Variants in SFRP1 observed in about 807,000 individuals in gnomAD.
SFRP1 encodes the protein secreted frizzled related protein 1.
SFRP1 carries 9 observed loss-of-function variants against 25.9 expected under a neutral mutation model. The ratio of observed to expected loss-of-function variants is 0.35; its 90% CI spans 0.21 to 0.61. The LOEUF is 0.61. Among genes scored for constraint, SFRP1 ranks in the 20% least tolerant of loss-of-function variants. SFRP1 has a pLI of 0.78. For synonymous variants in SFRP1, 178 were observed against 174.0 expected (o/e 1.02, Z -0.18); for missense variants, 346 against 418.2 (o/e 0.83, Z 1.51).
In SFRP1 at chr8:41,308,773, A is replaced by G. The variant is rs1226744666; in HGVS notation, c.387T>C (p.Cys129=). ...CGCGCACGGCCTCGCAGAGCCAGCGACACGGGTAGATGGGCCGGTCCAGGC... is the reference window on the plus strand; with the variant it reads ...CGCGCACGGCCTCGCAGAGCCAGCGGCACGGGTAGATGGGCCGGTCCAGGC... ...PVCLDRPIYP[C]RWLCEAVRDS... The change falls in exon 1 of 3, where the codon TGT becomes TGC. Residue 129 remains cysteine (C), a synonymous_variant. Transcript: ENST00000220772. 6.2e-7 allele frequency: 1 copy of G among 1,611,194 alleles called. No homozygotes were observed. The highest frequency in any genetic ancestry group is 8.5e-7 in the Non-Finnish European group (1 of 1,178,950).
At chr8:41,279,591 A>T (rs1480091063) in intron 2 of SFRP1, among the ~76,000 whole-genome samples, 3 of 152,056 alleles carry the variant, frequency 2.0e-5, no homozygotes, top group Admixed American at 6.6e-5. Context: ...CATAAGCAGA[A>T]CAGGAGGCCT....
chr8:41,293,757 G>A (rs1473519326), intron 2 of SFRP1, among the ~76,000 whole-genome samples: 2 of 151,866 alleles, frequency 1.3e-5, no homozygotes, highest in Admixed American at 6.6e-5. Flanking sequence ...GTTTTGTGGG[G>A]GGTTTTGTTT....
intron 2 of SFRP1, among the ~76,000 whole-genome samples, chr8:41,299,024 T>A (rs1316444527): frequency 1.3e-5 from 2 of 152,248 alleles, no homozygotes; most frequent in East Asian, 3.9e-4. Flanking sequence ...GATGAGGACA[T>A]GATGCATAAC....
chr8:41,281,528 T>G (rs1317781147), intron 2 of SFRP1, among the ~76,000 whole-genome samples: 2 of 152,240 alleles, frequency 1.3e-5, no homozygotes, highest in African/African-American at 4.8e-5. Flanking sequence ...ACATTGAGGA[T>G]GCGGAGGCAG....
At chr8:41,266,197 T>C (rs1289747006) in intron 2 of SFRP1, among the ~76,000 whole-genome samples, 1 of 151,990 alleles carries the variant, frequency 6.6e-6, no homozygotes, top group African/African-American at 2.4e-5. Context: ...CAGTTACCCA[T>C]TCTGCCACCG....
chr8:41,301,239 G>A (rs1803912297), intron 2 of SFRP1, among the ~76,000 whole-genome samples: 1 of 152,174 alleles, frequency 6.6e-6, no homozygotes, highest in Admixed American at 6.5e-5. Flanking sequence ...TTTGATCCCT[G>A]GAGGAGGGAG....
intron 2 of SFRP1, among the ~76,000 whole-genome samples, chr8:41,292,891 G>C (rs1227310676): frequency 1.3e-5 from 2 of 152,222 alleles, no homozygotes; most frequent in African/African-American, 4.8e-5. Context: ...AACCAGAGAG[G>C]CTGGGTGCCG....
intron 2 of SFRP1, chr8:41,275,149 C>T (rs574832676): frequency 3.4e-5 from 15 of 446,168 alleles, no homozygotes; most frequent in Non-Finnish European, 4.9e-5. Context: ...CTGGTTCAAC[C>T]GATGCTCAAA....
At chr8:41,299,069 C>T (rs1007292245) in intron 2 of SFRP1, among the ~76,000 whole-genome samples, 1 of 152,088 alleles carries the variant, frequency 6.6e-6, no homozygotes, top group Non-Finnish European at 1.5e-5. Flanking sequence ...AACACTGGCT[C>T]GGCCTCCATC....
intron 2 of SFRP1, among the ~76,000 whole-genome samples, chr8:41,300,735 C>T (rs1803905193): frequency 6.6e-6 from 1 of 152,170 alleles, no homozygotes; most frequent in African/African-American, 2.4e-5. Context: ...GAGTGGCACC[C>T]TGTTGTCACA....
intron 2 of SFRP1, among the ~76,000 whole-genome samples, chr8:41,286,052 C>T (rs1271210269): frequency 1.3e-5 from 2 of 151,012 alleles, no homozygotes; most frequent in East Asian, 4.0e-4. Flanking sequence ...AAAGCAGAAG[C>T]TCATAGTTGC....
intron 1 of SFRP1, among the ~76,000 whole-genome samples, chr8:41,305,634 A>C (rs1410879560): frequency 2.6e-5 from 4 of 152,214 alleles, no homozygotes; most frequent in Non-Finnish European, 5.9e-5. Context: ...GGTGGAACTA[A>C]ATCGCTGTTT....
At chr8:41,287,560 A>C (rs1803720561) in intron 2 of SFRP1, among the ~76,000 whole-genome samples, 1 of 152,144 alleles carries the variant, frequency 6.6e-6, no homozygotes, top group South Asian at 2.1e-4. Flanking sequence ...CTACATCTCA[A>C]GCCTGGATTT....
intron 2 of SFRP1, among the ~76,000 whole-genome samples, chr8:41,290,962 A>T (rs1172089829): frequency 1.0e-4 from 12 of 119,918 alleles, no homozygotes; most frequent in Admixed American, 1.2e-4. Flanking sequence ...GCTAGAATGC[A>T]GTGGCGCGAT....
In SFRP1 at chr8:41,308,758, C is replaced by T; in HGVS notation, c.402G>A (p.Glu134=). Residue 134 remains glutamate, a synonymous_variant, in exon 1 of 3, where the codon GAG becomes GAA. Coordinates refer to ENST00000220772, the MANE Select transcript of SFRP1 (RefSeq NM_003012.5). ...RPIYPCRWLC[E]AVRDSCEPVM... is the part of the protein sequence containing the mutation. ...CCGGCTCGCACGAGTCGCGCACGGCCTCGCAGAGCCAGCGACACGGGTAGA... is the reference window on the plus strand; with the variant it reads ...CCGGCTCGCACGAGTCGCGCACGGCTTCGCAGAGCCAGCGACACGGGTAGA... 6.2e-7 allele frequency: 1 copy of T among 1,609,366 alleles called. No homozygotes were observed. The highest frequency in any genetic ancestry group is 8.5e-7 in the Non-Finnish European group (1 of 1,178,152).
intron 2 of SFRP1, among the ~76,000 whole-genome samples, chr8:41,299,444 T>C (rs970717034): frequency 6.8e-6 from 1 of 147,232 alleles, no homozygotes; most frequent in African/African-American, 2.5e-5. Flanking sequence ...GTAGTTTTCC[T>C]TGAACTTAAT....
intron 2 of SFRP1, among the ~76,000 whole-genome samples, chr8:41,267,682 A>G (rs576966080): frequency 1.3e-5 from 2 of 152,332 alleles, no homozygotes; most frequent in East Asian, 3.9e-4. Context: ...CTCCAGGAGG[A>G]AGGCATAATT....
chr8:41,267,620 C>T (rs1339675964), intron 2 of SFRP1, among the ~76,000 whole-genome samples: 1 of 152,184 alleles, frequency 6.6e-6, no homozygotes, highest in African/African-American at 2.4e-5. Flanking sequence ...ATGTGACCTG[C>T]CAGAACATGT....
At chr8:41,294,844 C>T (rs1344108626) in intron 2 of SFRP1, among the ~76,000 whole-genome samples, 1 of 152,126 alleles carries the variant, frequency 6.6e-6, no homozygotes, top group African/African-American at 2.4e-5. Flanking sequence ...GTCACCTTCT[C>T]TCAGGAGTCC....
Sources: allele counts gnomAD v4.1 joint callset (sites outside exome capture counted in the v4.1 genomes callset), GRCh38; gene constraint gnomAD v4.1.1; transcripts MANE v1.5; gene names NCBI Gene and HGNC (gene_info 2026-07-23, HGNC 2026-07-21).